Variants in RBMXL1 observed in about 807,000 individuals in gnomAD.
RBMXL1 encodes RNA binding motif protein, X-linked-like-1.
RBMXL1 carries 18 observed loss-of-function variants against 29.0 expected under a neutral mutation model. The ratio of observed to expected loss-of-function variants is 0.62; its 90% CI spans 0.43 to 0.92. The LOEUF (loss-of-function observed/expected upper bound fraction) is 0.92, where lower values mean the gene tolerates loss of function less well. RBMXL1 is among the 40% of genes least tolerant of loss of function. RBMXL1 has a pLI of 0.00. For missense variants in RBMXL1, 403 were observed against 495.8 expected, an observed-to-expected ratio of 0.81 and a Z score of 1.78; for synonymous variants, 141 against 170.4, an observed-to-expected ratio of 0.83 and a Z score of 1.34.
intron 2 of RBMXL1, among the ~76,000 whole-genome samples, chr1:88,986,113 G>A (rs920081836): frequency 2.0e-5 from 3 of 151,604 alleles, no homozygotes; most frequent in Admixed American, 2.0e-4. Context: ...CCCGAGAGGC[G>A]GAGGCTGCAG....
chr1:88,985,230 AG>A (rs1296629168), intron 2 of RBMXL1, among the ~76,000 whole-genome samples: 1 of 152,214 alleles, frequency 6.6e-6, no homozygotes, highest in African/African-American at 2.4e-5. Flanking sequence ...GAGTAAGTGA[AG>A]GGAGTGCGTG....
At chr1:88,991,725 A>G (rs1677805432) in intron 1 of RBMXL1, among the ~76,000 whole-genome samples, 1 of 152,260 alleles carries the variant, frequency 6.6e-6, no homozygotes, top group Admixed American at 6.5e-5. Context: ...AAACTTCTCC[A>G]GAAGGAAAGC....
chr1:88,983,773 T>C lies in RBMXL1; in HGVS notation c.54A>G (p.Glu18=). ...CTGTTTCAAGAGCTTTCTCATTTGTTTCCGTATTAAGCCCACCAATGAAGA... is the reference window on the plus strand; with the variant it reads ...CTGTTTCAAGAGCTTTCTCATTTGTCTCCGTATTAAGCCCACCAATGAAGA... The part of the protein sequence containing the change: ...GKLFIGGLNT[E]TNEKALETVF... Residue 18 remains glutamate (E), a synonymous_variant, in exon 3 of 3, where the codon GAA becomes GAG. Coordinates refer to ENST00000652648, the MANE Select transcript of RBMXL1 (RefSeq NM_001162536.3). 1.2e-6 allele frequency: 2 copies of C among 1,614,056 alleles called. No homozygotes were observed. The highest frequency in any genetic ancestry group is 1.7e-6 in the Non-Finnish European group (2 of 1,179,886).
intron 2 of RBMXL1, among the ~76,000 whole-genome samples, chr1:88,985,492 C>T (rs1035608003): frequency 6.6e-6 from 1 of 152,174 alleles, no homozygotes; most frequent in African/African-American, 2.4e-5. Context: ...TGTTCTGTGC[C>T]AAAAACACAC....
chr1:88,984,204 C>CTTTTTTTT lies in RBMXL1; in HGVS notation c.-240-146_-240-139dup, dbSNP rs908183722. ...ATTAACAGGAGCCCTTTTTTTGTTG[C>CTTTTTTTT]TTTTTTTTTTTTTTTTTTTTTTTTT... is the stretch of plus-strand genomic sequence containing the variant. On this transcript the variant is annotated intron_variant, in intron 2 of 2. Coordinates refer to ENST00000652648, the MANE Select transcript of RBMXL1 (RefSeq NM_001162536.3). 151 of 81,758 alleles carry CTTTTTTTT rather than the reference C, an allele frequency of 1.8e-3. 15 individuals are homozygous for CTTTTTTTT. The highest frequency in any genetic ancestry group is 0.013 in the Middle Eastern group (1 of 80). The allele number at this position is 81,758 out of a possible 1,614,324, so 5.1% of individuals were successfully genotyped here.
At position 88,983,072 on chromosome 1, in the gene RBMXL1, C is replaced by A. The variant is rs755709226; in HGVS notation, c.755G>T (p.Arg252Leu). ...TYRDYGHSSS[R>L]DDYPSRGYGD... ...ATAGCCTCTTGATGGATAGTCATCA[C>A]GTGAACTGGAATGACCATAATCACG... Residue 252 changes from arginine to leucine, a missense_variant, in exon 3 of 3, where the codon CGT becomes CTT. Physicochemically the swap from Arg to Leu is moderately radical, Grantham distance 102. Coordinates refer to ENST00000652648, the MANE Select transcript of RBMXL1 (RefSeq NM_001162536.3). 3.1e-6 allele frequency: 5 copies of A among 1,612,336 alleles called. No individual in the cohort carries two copies. The highest frequency in any genetic ancestry group is 3.4e-6 in the Non-Finnish European group (4 of 1,180,020).
intron 1 of RBMXL1, among the ~76,000 whole-genome samples, chr1:88,990,908 G>A (rs563340097): frequency 1.3e-5 from 2 of 152,276 alleles, no homozygotes; most frequent in African/African-American, 4.8e-5. Context: ...TCATCGAAAA[G>A]TTGGAGAAAA....
In RBMXL1 at chr1:88,983,870, G is replaced by A. The variant is rs1393443129; in HGVS notation, c.-44C>T. The A allele has an allele frequency of 2.5e-6, 4 of 1,611,616 alleles. No individual in the cohort carries two copies. The Admixed American group carries it at 5.0e-5, about 20-fold the overall frequency. ...GTCGGAGGGGTGACAGTGGGTTCAAGCTCCAACAAGCTCGCCGACAGGGGC... is the reference window on the plus strand; with the variant it reads ...GTCGGAGGGGTGACAGTGGGTTCAAACTCCAACAAGCTCGCCGACAGGGGC... On this transcript the variant is annotated 5_prime_UTR_variant, in exon 3 of 3. Transcript: ENST00000652648.
chr1:88,984,734 C>T (rs902638626), intron 2 of RBMXL1, among the ~76,000 whole-genome samples: 30 of 152,174 alleles, frequency 2.0e-4, no homozygotes, highest in African/African-American at 7.2e-4. Context: ...CTGATATTTG[C>T]AGGGCTAGAA....
At position 88,982,976 on chromosome 1, in the gene RBMXL1, G is replaced by A. The variant is rs1677183651; in HGVS notation, c.851C>T (p.Ser284Leu). 1 of 1,613,506 alleles carries A rather than the reference G, an allele frequency of 6.2e-7. No homozygotes were observed. Among genetic ancestry groups the A allele is most frequent in the South Asian group, 1.1e-5 (1 of 91,068 alleles). ...DHPSGGSYRD[S>L]YESYGNSRSA... ...ACGTGAGTTACCATAACTCTCATAT[G>A]AATCTCTGTAGGAACCTCCACTTGG... Residue 284 changes from serine (S) to leucine (L), a missense_variant, in exon 3 of 3, where the codon TCA (serine) becomes TTA (leucine). Transcript: ENST00000652648.
rs1677180280 is a variant in RBMXL1 at position 88,982,927 on chromosome 1, G to A, written c.900C>T (p.Pro300=). ...NSRSAPLTRG[P]PPSYGGSSRY... is the part of the protein sequence containing the mutation. The stretch of plus-strand genomic sequence containing the variant: ...GACTGCTTCCACCATAAGATGGCGG[G>A]GGCCCTCGTGTAAGTGGAGCACTAC... The change falls in exon 3 of 3, where the codon CCC becomes CCT. Residue 300 remains proline (P), a synonymous_variant. Transcript: ENST00000652648. 1.9e-6 allele frequency: 3 copies of A among 1,613,946 alleles called. No individual in the cohort carries two copies. Among genetic ancestry groups the A allele is most frequent in the African/African-American group, 1.3e-5 (1 of 75,026 alleles).
intron 2 of RBMXL1, among the ~76,000 whole-genome samples, chr1:88,985,230 A>G (rs556684190): frequency 1.2e-4 from 19 of 152,214 alleles, no homozygotes; most frequent in African/African-American, 4.6e-4. Context: ...GAGTAAGTGA[A>G]GGGAGTGCGT....
intron 1 of RBMXL1, among the ~76,000 whole-genome samples, chr1:88,989,367 C>G (rs1677649884): frequency 1.3e-5 from 2 of 152,098 alleles, no homozygotes; most frequent in South Asian, 4.2e-4. Context: ...AAGCAGAATT[C>G]AATCTTAAAA....
chr1:88,986,898 A>G (rs544583179), intron 2 of RBMXL1, among the ~76,000 whole-genome samples: 1 of 152,294 alleles, frequency 6.6e-6, no homozygotes, highest in African/African-American at 2.4e-5. Context: ...TCCCTGTGCG[A>G]CTATTTTAAA....
At position 88,988,689 on chromosome 1, in the gene RBMXL1, T is replaced by G. The variant is rs533073494; in HGVS notation, c.-340-338A>C. Among the ~76,000 whole-genome samples the G allele has an allele frequency of 2.0e-5, 3 of 152,344 alleles. No individual in the cohort carries two copies. The South Asian group carries it at 6.2e-4, about 32-fold the overall frequency. On this transcript the variant is annotated intron_variant, in intron 1 of 2. Coordinates refer to ENST00000652648, the MANE Select transcript of RBMXL1 (RefSeq NM_001162536.3). ...AGTTCCATTTCTAGCAGCTATAAAATCCAGAGTATTTCAATCTAGGAACTA... is the reference window on the plus strand; with the variant it reads ...AGTTCCATTTCTAGCAGCTATAAAAGCCAGAGTATTTCAATCTAGGAACTA...
intron 1 of RBMXL1, among the ~76,000 whole-genome samples, chr1:88,991,646 A>G (rs987618735): frequency 6.6e-6 from 1 of 152,238 alleles, no homozygotes; most frequent in Non-Finnish European, 1.5e-5. Context: ...TGGGCAGCAT[A>G]TGCTTTAAGG....
In RBMXL1 at chr1:88,982,735, G is replaced by A; in HGVS notation, c.1092C>T (p.Ser364=). The change falls in exon 3 of 3, where the codon AGC becomes AGT. Residue 364 remains serine (S), a synonymous_variant. Coordinates refer to ENST00000652648, the MANE Select transcript of RBMXL1 (RefSeq NM_001162536.3). The stretch of plus-strand genomic sequence containing the variant: ...CTCTTGGTGCTCCGCGGCTTGAACT[G>A]CTGTAGGAATCACGTGAAGAAGGGT... The part of the protein sequence containing the change: ...RGYPSSRDSY[S]SSSRGAPRGA... The A allele has an allele frequency of 1.2e-6, 2 of 1,613,940 alleles. No homozygotes were observed. The highest frequency in any genetic ancestry group is 2.2e-5 in the East Asian group (1 of 44,870).
At position 88,980,254 on chromosome 1, in the gene RBMXL1, C is replaced by T. The variant is rs1677016394; in HGVS notation, c.*2400G>A. On this transcript the variant is annotated 3_prime_UTR_variant, in exon 3 of 3. Transcript: ENST00000652648. The stretch of plus-strand genomic sequence containing the variant: ...GTGGCTTCATGGCATATACATCTGT[C>T]AAAATAACCATTGAGTTGTAATTCT... 1 of 152,500 alleles carries T rather than the reference C, an allele frequency of 6.6e-6. No individual in the cohort carries two copies. The highest frequency in any genetic ancestry group is 6.5e-5 in the Admixed American group (1 of 15,274). The allele number at this position is 152,500 out of a possible 1,614,324, so 9.4% of individuals were successfully genotyped here.
chr1:88,988,943 T>C (rs539364939), intron 1 of RBMXL1, among the ~76,000 whole-genome samples: 22 of 152,362 alleles, frequency 1.4e-4, no homozygotes, highest in East Asian at 5.8e-4. Context: ...ATGATAGGCA[T>C]GCATTCTGAA....
Sources: gnomAD v4.1 joint callset for allele counts (sites outside exome capture counted in the v4.1 genomes callset) on GRCh38, gnomAD v4.1.1 for gene constraint, MANE v1.5 for transcripts, NCBI Gene and HGNC (gene_info 2026-07-23, HGNC 2026-07-21) for gene names.